Variants in ADCY2 observed in about 807,000 individuals in gnomAD.
The protein encoded by ADCY2 is adenylate cyclase 2, also known as adenylate cyclase type 2.
ADCY2 carries 31 observed loss-of-function variants against 125.2 expected under a neutral mutation model. The observed-to-expected ratio is 0.25, with a 90% CI of 0.19 to 0.33. The LOEUF (loss-of-function observed/expected upper bound fraction) is 0.33. Among genes scored for constraint, ADCY2 ranks in the 10% least tolerant of loss-of-function variants. ADCY2 has a pLI of 1.00. For synonymous variants in ADCY2, 512 were observed against 548.4 expected, an observed-to-expected ratio of 0.93 and a Z score of 0.93; for missense variants, 904 against 1,418.2, an observed-to-expected ratio of 0.64 and a Z score of 5.82.
In ADCY2 at chr5:7,396,643, C is replaced by T. The variant is rs903549877; in HGVS notation, c.210+137C>T. The T allele has an allele frequency of 3.5e-4, 168 of 477,208 alleles. 1 individual carries two copies. Among genetic ancestry groups the T allele is most frequent in the African/African-American group, 3.2e-3 (153 of 47,478 alleles). The allele number at this position is 477,208 out of a possible 1,614,324, so 29.6% of individuals were successfully genotyped here. ...CGGCCCGCGGCAGCCCCTCGGCCCG[C>T]GGCTCCCTGCTTCTCCTGCTGGCCC... On this transcript the variant is annotated intron_variant, in intron 1 of 24. Transcript: ENST00000338316. The surrounding 1 kb of genome is among the most constrained non-coding windows in gnomAD (Gnocchi z 5.7).
At chr5:7,436,514 TA>T (rs1405244198) in intron 2 of ADCY2, among the ~76,000 whole-genome samples, 7 of 152,212 alleles carry the variant, frequency 4.6e-5, no homozygotes, top group African/African-American at 1.4e-4. Context: ...TGACATATAG[TA>T]AAACCGTGAT....
intron 18 of ADCY2, among the ~76,000 whole-genome samples, chr5:7,782,537 C>A (rs1180728989): frequency 6.6e-6 from 1 of 152,188 alleles, no homozygotes; most frequent in Non-Finnish European, 1.5e-5. Flanking sequence ...ACTAATGAAG[C>A]TCCTATAAAT....
At chr5:7,814,954 C>T (rs1403282773) in intron 22 of ADCY2, among the ~76,000 whole-genome samples, 2 of 152,194 alleles carry the variant, frequency 1.3e-5, no homozygotes, top group East Asian at 3.9e-4. Flanking sequence ...CCCCTCCCCC[C>T]GACCCATGTC....
chr5:7,467,460 T>C lies in ADCY2; in HGVS notation c.408+52690T>C, dbSNP rs553772668. On this transcript the variant is annotated intron_variant, in intron 2 of 24. Coordinates refer to ENST00000338316, the MANE Select transcript of ADCY2 (RefSeq NM_020546.3). The stretch of plus-strand genomic sequence containing the variant: ...GTGGAGAAGGGTCCCCACGTGACCA[T>C]GGACCGGCGGGCCATTTTGTGCATA... Among the ~76,000 whole-genome samples, 76 of 152,322 alleles carry C rather than the reference T, an allele frequency of 5.0e-4. 2 individuals carry two copies. The Middle Eastern group carries it at 0.014, about 27-fold the overall frequency.
intron 2 of ADCY2, among the ~76,000 whole-genome samples, chr5:7,430,753 A>T (rs1349231921): frequency 6.6e-6 from 1 of 152,058 alleles, no homozygotes; most frequent in African/African-American, 2.4e-5. Flanking sequence ...TATTGGAATC[A>T]TCTGTTAGAA....
rs1237411910 is a variant in ADCY2, at chr5:7,829,873, TC to T, written c.*3003del. 6.6e-6 allele frequency: 1 copy of T among 151,270 alleles called. No individual in the cohort carries two copies. The highest frequency in any genetic ancestry group is 6.6e-5 in the Admixed American group (1 of 15,198). The allele number at this position is 151,270 out of a possible 1,614,324, so 9.4% of individuals were successfully genotyped here. On this transcript the variant is annotated 3_prime_UTR_variant, in exon 25 of 25. Transcript: ENST00000338316. Reference sequence around the variant, plus strand: ...AGAGAGGATCACTTAAGCCCAGGAGTCTGAGACCAGCCTGGGCAACATAGCA... The same window carrying T: ...AGAGAGGATCACTTAAGCCCAGGAGTTGAGACCAGCCTGGGCAACATAGCA...
intron 24 of ADCY2, among the ~76,000 whole-genome samples, chr5:7,825,014 CCTGTGTGCCATAACACTG>C (rs1399439749): frequency 4.3e-4 from 65 of 152,208 alleles, no homozygotes; most frequent in Non-Finnish European, 7.2e-4. Context: ...CCATAACACC[CCTGTGTGCCATAACACTG>C]CTGTGTGCCA....
intron 1 of ADCY2, among the ~76,000 whole-genome samples, chr5:7,407,276 G>A (rs758094623): frequency 6.6e-6 from 1 of 152,144 alleles, no homozygotes; most frequent in Non-Finnish European, 1.5e-5. Flanking sequence ...GAACATTCAG[G>A]GAAATCTGAA....
intron 4 of ADCY2, among the ~76,000 whole-genome samples, chr5:7,660,696 T>C (rs1744093798): frequency 6.6e-6 from 1 of 152,212 alleles, no homozygotes; most frequent in Admixed American, 6.5e-5. Context: ...ACTCTTAAGT[T>C]CTTCAGTTGA....
At chr5:7,588,124 T>A (rs2126620721) in intron 3 of ADCY2, among the ~76,000 whole-genome samples, 1 of 152,270 alleles carries the variant, frequency 6.6e-6, no homozygotes, top group East Asian at 1.9e-4. Context: ...TGTAAGAGGC[T>A]GATAAGCGTT....
chr5:7,774,634 G>A (rs1743660868), intron 18 of ADCY2, among the ~76,000 whole-genome samples: 1 of 152,158 alleles, frequency 6.6e-6, no homozygotes, highest in African/African-American at 2.4e-5. Context: ...CCTAGCAGCA[G>A]GAGACTAGTT....
intron 3 of ADCY2, among the ~76,000 whole-genome samples, chr5:7,617,206 C>A (rs1404727022): frequency 6.6e-6 from 1 of 152,142 alleles, no homozygotes. Flanking sequence ...GGAATGAGAA[C>A]TGCCAACCCT....
chr5:7,737,467 C>A (rs190238451), intron 14 of ADCY2, among the ~76,000 whole-genome samples: 302 of 152,230 alleles, frequency 2.0e-3, no homozygotes, highest in Non-Finnish European at 3.7e-3. Context: ...AAAATGGCTG[C>A]TAAGTAGAGA....
At chr5:7,698,693 C>T (rs7445160) in intron 7 of ADCY2, among the ~76,000 whole-genome samples, 24,110 of 152,110 alleles carry the variant, frequency 0.16, 2,240 homozygotes, top group Admixed American at 0.32. Context: ...CAGTTTCATC[C>T]GTGTCCCTGC....
chr5:7,714,972 G>C (rs946577879), intron 11 of ADCY2, among the ~76,000 whole-genome samples: 3 of 152,196 alleles, frequency 2.0e-5, no homozygotes, highest in African/African-American at 7.2e-5. Context: ...ACAGGGGTTG[G>C]GGTCCTAGAG....
rs569979961 is a variant in ADCY2 at position 7,462,143 on chromosome 5, A to T, written c.408+47373A>T. Reference sequence around the variant, plus strand: ...TAGAGCAAGTGGAATTGTCTACAGAATGCGGCCTAAGTATTCTATTAGGCC... The same window carrying T: ...TAGAGCAAGTGGAATTGTCTACAGATTGCGGCCTAAGTATTCTATTAGGCC... On this transcript the variant is annotated intron_variant, in intron 2 of 24. Coordinates refer to ENST00000338316, the MANE Select transcript of ADCY2 (RefSeq NM_020546.3). 1.2e-4 allele frequency among the ~76,000 whole-genome samples: 19 copies of T among 152,348 alleles called. No homozygotes were observed. The East Asian group carries it at 3.7e-3, about 29-fold the overall frequency.
At chr5:7,681,108 G>A (rs1051989705) in intron 4 of ADCY2, among the ~76,000 whole-genome samples, 12 of 150,174 alleles carry the variant, frequency 8.0e-5, no homozygotes, top group African/African-American at 2.7e-4. Context: ...CAGGCTTTCC[G>A]CTTTCTGATG....
chr5:7,672,529 C>T (rs1341864051), intron 4 of ADCY2, among the ~76,000 whole-genome samples: 1 of 151,786 alleles, frequency 6.6e-6, no homozygotes, highest in Non-Finnish European at 1.5e-5. Flanking sequence ...GGGTGTTGCT[C>T]TATCACCCAG....
At chr5:7,737,250 AC>A (rs1267854410) in intron 14 of ADCY2, among the ~76,000 whole-genome samples, 1 of 152,200 alleles carries the variant, frequency 6.6e-6, no homozygotes, top group Admixed American at 6.5e-5. Flanking sequence ...GGGATAGTAT[AC>A]TAGCCATGAT....
Sources: gnomAD v4.1 joint callset for allele counts (sites outside exome capture counted in the v4.1 genomes callset) on GRCh38, gnomAD v4.1.1 for gene constraint, Gnocchi (gnomAD v3.1) non-coding constraint, MANE v1.5 for transcripts, NCBI Gene and HGNC (gene_info 2026-07-23, HGNC 2026-07-21) for gene names.